Variants in UGT2B15 observed in about 807,000 individuals in gnomAD.
UGT2B15 encodes UDP glucuronosyltransferase family 2 member B15, also known as UDP-glucuronosyltransferase 2B15.
A neutral mutation model predicts 45.9 loss-of-function variants in UGT2B15; 36 were observed. That is an observed-to-expected ratio of 0.78 (90% CI 0.60 to 1.04). UGT2B15 has a LOEUF of 1.04. UGT2B15 is among the 50% of genes least tolerant of loss of function. The pLI, the probability that UGT2B15 is intolerant of heterozygous loss-of-function variation, is 0.00. For missense variants in UGT2B15, 617 were observed against 622.4 expected (o/e 0.99, Z 0.09); for synonymous variants, 219 against 216.4 (o/e 1.01, Z -0.11).
At chr4:68,666,410 G>A (rs1531022) in intron 2 of UGT2B15, among the ~76,000 whole-genome samples, 79,356 of 151,874 alleles carry the variant, frequency 0.52, 21,101 homozygotes, top group Admixed American at 0.58. Flanking sequence ...AATAATGACT[G>A]AAATAATCAT....
At chr4:68,659,985 C>A (rs1732917857) in intron 3 of UGT2B15, among the ~76,000 whole-genome samples, 1 of 145,804 alleles carries the variant, frequency 6.9e-6, no homozygotes. Context: ...CAGCTTTTAA[C>A]AATTTAGTAT....
rs145876726 is a variant in UGT2B15 at position 68,667,378 on chromosome 4, G to A, written c.873+662C>T. Among the ~76,000 whole-genome samples, 60 of 151,980 alleles carry A rather than the reference G, an allele frequency of 3.9e-4. No homozygotes were observed. The East Asian group carries it at 9.9e-3, about 25-fold the overall frequency. On this transcript the variant is annotated intron_variant, in intron 2 of 5. Transcript: ENST00000338206. ...TTTGTTAGAGATGAGGTTTTACCAC[G>A]TTTCCCAGGCTGGTCTCAAACTCCT...
chr4:68,654,295 A>G (rs1732741612), intron 4 of UGT2B15, 39 bp from the exon 5 acceptor site: 5 of 1,600,718 alleles, frequency 3.1e-6, no homozygotes, highest in Non-Finnish European at 4.3e-6. Context: ...ATTAATTACA[A>G]GGTATGAGAA....
chr4:68,653,969 A>C, intron 5 of UGT2B15, 68 bp downstream of exon 5: 4 of 1,582,282 alleles, frequency 2.5e-6, no homozygotes, highest in Non-Finnish European at 3.5e-6. Context: ...AAAACGGGTT[A>C]AAATTCATAT....
At chr4:68,662,689 A>G in intron 3 of UGT2B15, among the ~76,000 whole-genome samples, 1 of 151,746 alleles carries the variant, frequency 6.6e-6, no homozygotes, top group Non-Finnish European at 1.5e-5. Context: ...CCTGTAAACC[A>G]AAAGGAGCAA....
chr4:68,659,424 A>T (rs1732897947), intron 3 of UGT2B15, among the ~76,000 whole-genome samples: 1 of 152,004 alleles, frequency 6.6e-6, no homozygotes, highest in Non-Finnish European at 1.5e-5. Context: ...TTGTATAAAA[A>T]TTATACAGGA....
At chr4:68,668,441 A>G (rs1733206728) in intron 1 of UGT2B15, among the ~76,000 whole-genome samples, 1 of 152,096 alleles carries the variant, frequency 6.6e-6, no homozygotes, top group African/African-American at 2.4e-5. Context: ...TCACATCTTT[A>G]ATGTAACATC....
At chr4:68,649,548 C>T (rs183444684) in intron 5 of UGT2B15, among the ~76,000 whole-genome samples, 25 of 151,732 alleles carry the variant, frequency 1.6e-4, no homozygotes, top group African/African-American at 3.4e-4. Flanking sequence ...CCCAAAGTGT[C>T]GGGATTACAG....
intron 3 of UGT2B15, among the ~76,000 whole-genome samples, chr4:68,657,818 T>A (rs1328747574): frequency 1.3e-5 from 2 of 152,152 alleles, no homozygotes; most frequent in African/African-American, 4.8e-5. Flanking sequence ...CTGGTCAATT[T>A]TTTTTATCTC....
chr4:68,648,820 A>T (rs973101390), intron 5 of UGT2B15, among the ~76,000 whole-genome samples: 3 of 152,042 alleles, frequency 2.0e-5, no homozygotes, highest in African/African-American at 7.2e-5. Flanking sequence ...ATACATATTC[A>T]TTTCTGTTTT....
At chr4:68,647,748 G>T (rs2109816352) in intron 5 of UGT2B15, among the ~76,000 whole-genome samples, 1 of 151,892 alleles carries the variant, frequency 6.6e-6, no homozygotes, top group Non-Finnish European at 1.5e-5. Flanking sequence ...ACAGGCTTTT[G>T]CTCCATTACA....
chr4:68,655,263 A>C (rs1447300983), intron 3 of UGT2B15, 81 bp from the exon 4 acceptor site: 3 of 1,483,096 alleles, frequency 2.0e-6, no homozygotes, highest in Non-Finnish European at 2.8e-6. Flanking sequence ...GAGATTAATA[A>C]TCAGTTAGTT....
Position 68,654,057 on chromosome 4 carries a change from C to T in UGT2B15, c.1293G>A (p.Lys431=), listed in dbSNP as rs528287809. The T allele has an allele frequency of 1.9e-6, 3 of 1,613,394 alleles. No individual in the cohort carries two copies. Among genetic ancestry groups the T allele is most frequent in the African/African-American group, 1.3e-5 (1 of 74,968 alleles). ...MSSRDLLNAL[K]SVINDPVYKE... is the part of the protein sequence containing the mutation. ...CTCACACAGGGTCATTAATGACTGACTTCAATGCATTGAGCAAATCTCTAC... is the reference window on the plus strand; with the variant it reads ...CTCACACAGGGTCATTAATGACTGATTTCAATGCATTGAGCAAATCTCTAC... The change falls in exon 5 of 6, where the codon AAG becomes AAA. Residue 431 remains lysine, a synonymous_variant. Coordinates refer to ENST00000338206, the MANE Select transcript of UGT2B15 (RefSeq NM_001076.4).
At position 68,670,620 on chromosome 4, in the gene UGT2B15, C is replaced by T. The variant is rs532122219; in HGVS notation, c.-2G>A. ...GACTGACGTCCATTTCAGAGACATCCTGGTCTTATGCAATGCTTCTTTTCC... is the reference window on the plus strand; with the variant it reads ...GACTGACGTCCATTTCAGAGACATCTTGGTCTTATGCAATGCTTCTTTTCC... On this transcript the variant is annotated 5_prime_UTR_variant, in exon 1 of 6. Coordinates refer to ENST00000338206, the MANE Select transcript of UGT2B15 (RefSeq NM_001076.4). The T allele has an allele frequency of 6.4e-6, 10 of 1,566,946 alleles. No individual in the cohort carries two copies. Among genetic ancestry groups the T allele is most frequent in the African/African-American group, 1.4e-5 (1 of 72,586 alleles).
intron 2 of UGT2B15, among the ~76,000 whole-genome samples, chr4:68,665,775 G>A (rs373763312): frequency 1.8e-4 from 28 of 152,166 alleles, no homozygotes; most frequent in South Asian, 1.0e-3. Flanking sequence ...TAACAACAAC[G>A]GAGGCTCACA....
At chr4:68,649,848 T>G (rs1236494616) in intron 5 of UGT2B15, among the ~76,000 whole-genome samples, 1 of 151,812 alleles carries the variant, frequency 6.6e-6, no homozygotes, top group Non-Finnish European at 1.5e-5. Flanking sequence ...GCTTTTTTGT[T>G]TTTTTTTGAG....
chr4:68,660,336 GC>G (rs1732926902), intron 3 of UGT2B15, among the ~76,000 whole-genome samples: 1 of 150,532 alleles, frequency 6.6e-6, no homozygotes, highest in African/African-American at 2.5e-5. Context: ...AGGCCCAGGA[GC>G]CCCAAGTTTA....
chr4:68,657,915 C>T (rs771641813), intron 3 of UGT2B15, among the ~76,000 whole-genome samples: 9 of 151,952 alleles, frequency 5.9e-5, no homozygotes, highest in Non-Finnish European at 1.2e-4. Flanking sequence ...ATTATAATTT[C>T]TATAATTTTA....
At chr4:68,666,742 A>ATT (rs1733131838) in intron 2 of UGT2B15, among the ~76,000 whole-genome samples, 1 of 76,376 alleles carries the variant, frequency 1.3e-5, no homozygotes, top group African/African-American at 3.9e-5. Flanking sequence ...ACATATATAT[A>ATT]TATATATATA....
Sources: allele counts gnomAD v4.1 joint callset (sites outside exome capture counted in the v4.1 genomes callset), GRCh38; gene constraint gnomAD v4.1.1; transcripts MANE v1.5; gene names NCBI Gene and HGNC (gene_info 2026-07-23, HGNC 2026-07-21).